The following SACS variants were observed in gnomAD, a reference collection of about 807,000 sequenced individuals.
SACS encodes sacsin molecular chaperone.
Under a neutral mutation model 348.0 loss-of-function variants are expected in SACS, and 197 were observed. The ratio of observed to expected loss-of-function variants is 0.57; its 90% CI spans 0.50 to 0.64. The LOEUF is 0.64. SACS is among the 30% of genes least tolerant of loss of function. The pLI, the probability that SACS is intolerant of heterozygous loss-of-function variation, is 0.00. For synonymous variants in SACS, 1,985 were observed against 1,910.6 expected, an observed-to-expected ratio of 1.04 and a Z score of -1.02; for missense variants, 4,999 against 5,360.8, an observed-to-expected ratio of 0.93 and a Z score of 2.11.
At chr13:23,400,699 C>G (rs1349181179) in intron 2 of SACS, among the ~76,000 whole-genome samples, 1 of 152,174 alleles carries the variant, frequency 6.6e-6, no homozygotes, top group South Asian at 2.1e-4. Context: ...TGATTACAGG[C>G]GTGAGCCACC....
chr13:23,333,840 G>T lies in SACS; in HGVS notation c.10036C>A (p.Pro3346Thr), dbSNP rs1883651233. Residue 3346 changes from proline (P) to threonine (T), a missense_variant, in exon 10 of 10, where the codon CCT becomes ACT. By Grantham distance (38) the Pro-to-Thr change is conservative. Coordinates refer to ENST00000382292, the MANE Select transcript of SACS (RefSeq NM_014363.6). ...KICSKDSAFVPLLSCHTANIE... is the reference protein window; with the variant it reads ...KICSKDSAFVTLLSCHTANIE... The stretch of plus-strand genomic sequence containing the variant: ...TTTGCTGTGTGACATGACAACAAAG[G>T]AACAAATGCACTGTCTTTGGAACAG... The T allele has an allele frequency of 1.2e-6, 2 of 1,613,868 alleles. No individual in the cohort carries two copies. The highest frequency in any genetic ancestry group is 2.2e-5 in the South Asian group (2 of 91,070).
At chr13:23,366,334 G>C (rs1376197930) in intron 5 of SACS, among the ~76,000 whole-genome samples, 1 of 152,186 alleles carries the variant, frequency 6.6e-6, no homozygotes, top group Non-Finnish European at 1.5e-5. Flanking sequence ...CCAAAGGGCT[G>C]GAGTGTGGTA....
In SACS at chr13:23,331,410, G is replaced by A. The variant is rs756745388; in HGVS notation, c.12466C>T (p.Pro4156Ser). ...SEPSKLELPM[P>S]GTPIPAEIHY... ...ATTTCAGCAGGAATTGGTGTGCCAG[G>A]CATTGGAAGTTCCAGTTTTGATGGC... Residue 4156 changes from proline to serine, a missense_variant, in exon 10 of 10, where the codon CCT becomes TCT. Pro to Ser is a moderately conservative substitution (Grantham distance 74). Coordinates refer to ENST00000382292, the MANE Select transcript of SACS (RefSeq NM_014363.6). The A allele has an allele frequency of 6.2e-7, 1 of 1,613,992 alleles. No individual in the cohort carries two copies. Among genetic ancestry groups the A allele is most frequent in the South Asian group, 1.1e-5 (1 of 91,084 alleles).
chr13:23,372,206 T>C (rs960737150), intron 3 of SACS, among the ~76,000 whole-genome samples: 1 of 152,204 alleles, frequency 6.6e-6, no homozygotes, highest in Admixed American at 6.5e-5. Flanking sequence ...AAAGTATTTA[T>C]AATCTGGGAC....
Position 23,334,333 on chromosome 13 carries a change from A to T in SACS, c.9543T>A (p.Ile3181=). The T allele has an allele frequency of 1.2e-6, 2 of 1,611,502 alleles. No individual in the cohort carries two copies. Residue 3181 remains isoleucine (I), a synonymous_variant, in exon 10 of 10, where the codon ATT becomes ATA. Coordinates refer to ENST00000382292, the MANE Select transcript of SACS (RefSeq NM_014363.6). The part of the protein sequence containing the change: ...PKFLTTYHEL[I]PSRKDLFMNT... ...TCATAAACAAGTCTTTGCGGGATGGAATCAATTCATGATATGTTGTTAGAA... is the reference window on the plus strand; with the variant it reads ...TCATAAACAAGTCTTTGCGGGATGGTATCAATTCATGATATGTTGTTAGAA...
Position 23,334,633 on chromosome 13 carries a change from G to A in SACS, c.9243C>T (p.His3081=), listed in dbSNP as rs1351266118. 1.9e-6 allele frequency: 3 copies of A among 1,613,396 alleles called. No individual in the cohort carries two copies. The highest frequency in any genetic ancestry group is 2.2e-5 in the East Asian group (1 of 44,878). ...YNCDETANLY[H]CLIDADIPVS... is the part of the protein sequence containing the mutation. ...CAGGAATATCTGCATCTATAAGACA[G>A]TGGTAAAGATTAGCAGTTTCATCAC... Residue 3081 remains histidine, a synonymous_variant, in exon 10 of 10, where the codon CAC becomes CAT. Transcript: ENST00000382292.
At chr13:23,409,413 A>G (rs1277513804) in intron 2 of SACS, among the ~76,000 whole-genome samples, 11 of 134,956 alleles carry the variant, frequency 8.2e-5, no homozygotes, top group Non-Finnish European at 3.1e-5. Flanking sequence ...GGCTGGTGCA[A>G]TGGCACGATC....
chr13:23,375,196 G>A lies in SACS; in HGVS notation c.94C>T (p.Arg32Cys). The part of the protein sequence containing the change: ...TVAALASWTV[R>C]DVKERIFAET... The stretch of plus-strand genomic sequence containing the variant: ...GCGAAGATACGTTCCTTCACATCGC[G>A]CACGGTCCAGGACGCCAGCGCCGCG... Residue 32 changes from arginine to cysteine, a missense_variant, in exon 3 of 10, where the codon CGC (arginine) becomes TGC (cysteine). This residue lies in a region of SACS where 3,156 missense variants were observed against 3,380.1 expected (regional missense o/e 0.93). Transcript: ENST00000382292. 3 of 1,505,550 alleles carry A rather than the reference G, an allele frequency of 2.0e-6. No individual in the cohort carries two copies. Among genetic ancestry groups the A allele is most frequent in the Middle Eastern group, 1.7e-4 (1 of 5,872 alleles). The allele number at this position is 1,505,550 out of a possible 1,614,324, so 93.3% of individuals were successfully genotyped here.
intron 2 of SACS, among the ~76,000 whole-genome samples, chr13:23,386,111 A>G (rs891989926): frequency 1.3e-5 from 2 of 152,288 alleles, no homozygotes; most frequent in Admixed American, 6.5e-5. Context: ...TGGAATGGTA[A>G]ATGAACTTGG....
chr13:23,380,942 T>C (rs575790413), intron 2 of SACS, among the ~76,000 whole-genome samples: 10 of 152,282 alleles, frequency 6.6e-5, no homozygotes, highest in South Asian at 4.1e-4. Flanking sequence ...ATTTAAAAAA[T>C]TCAATAGTTG....
Position 23,335,043 on chromosome 13 carries a change from G to C in SACS, c.8833C>G (p.Gln2945Glu), listed in dbSNP as rs1273445756. Residue 2945 changes from glutamine to glutamate, a missense_variant, in exon 10 of 10, where the codon CAG (glutamine) becomes GAG (glutamate). Transcript: ENST00000382292. This position sits in a 1 kb window ranked among gnomAD's most constrained non-coding sequence, Gnocchi z 4.7. ...PGSDPTLSVLQNTPIHVVKDT... is the reference protein window; with the variant it reads ...PGSDPTLSVLENTPIHVVKDT... Reference sequence around the variant, plus strand: ...TTTACAACATGAATAGGGGTGTTCTGTAACACTGATAATGTTGGATCAGAA... The same window carrying C: ...TTTACAACATGAATAGGGGTGTTCTCTAACACTGATAATGTTGGATCAGAA... 4 of 1,613,182 alleles carry C rather than the reference G, an allele frequency of 2.5e-6. No homozygotes were observed. The highest frequency in any genetic ancestry group is 1.1e-5 in the South Asian group (1 of 91,020).
In SACS at chr13:23,338,210, C is replaced by G; in HGVS notation, c.5666G>C (p.Cys1889Ser). Reference protein sequence around the residue: ...KTGLPVHINGCFAVTSNRKEI... With the variant: ...KTGLPVHINGSFAVTSNRKEI... ...TTTCCTATTTGATGTAACAGCAAAG[C>G]ACCCATTGATATGAACTGGCAAGCC... The change falls in exon 10 of 10, where the codon TGC becomes TCC. Residue 1889 changes from cysteine (C) to serine (S), a missense_variant. Around this residue, in one of 6 missense-constraint regions of SACS, gnomAD observed 3,156 missense variants for 3,380.1 expected, o/e 0.93. Coordinates refer to ENST00000382292, the MANE Select transcript of SACS (RefSeq NM_014363.6). The G allele has an allele frequency of 6.2e-7, 1 of 1,614,120 alleles. No homozygotes were observed. Among genetic ancestry groups the G allele is most frequent in the Non-Finnish European group, 8.5e-7 (1 of 1,180,008 alleles).
Position 23,334,459 on chromosome 13 carries a change from A to G in SACS, c.9417T>C (p.Cys3139=), listed in dbSNP as rs2137584002. ...TCTCATTTTCTTCTGCATCTTTAAAACAATAATCAACTAAAAGTTTTAAAC... is the reference window on the plus strand; with the variant it reads ...TCTCATTTTCTTCTGCATCTTTAAAGCAATAATCAACTAAAAGTTTTAAAC... The part of the protein sequence containing the change: ...FHSLKLLVDY[C]FKDAEENEIE... Residue 3139 remains cysteine, a synonymous_variant, in exon 10 of 10, where the codon TGT becomes TGC. Coordinates refer to ENST00000382292, the MANE Select transcript of SACS (RefSeq NM_014363.6). The G allele has an allele frequency of 1.9e-6, 3 of 1,612,602 alleles. No homozygotes were observed. The highest frequency in any genetic ancestry group is 2.5e-6 in the Non-Finnish European group (3 of 1,179,746).
intron 1 of SACS, among the ~76,000 whole-genome samples, chr13:23,416,039 G>C (rs7336181): frequency 0.29 from 44,669 of 151,842 alleles, 6,990 homozygotes; most frequent in East Asian, 0.46. Context: ...TAGCACTCTG[G>C]GGGGCTGAGG....
chr13:23,352,195 A>T (rs961728810), intron 9 of SACS, among the ~76,000 whole-genome samples: 3 of 152,344 alleles, frequency 2.0e-5, no homozygotes, highest in East Asian at 1.9e-4. Context: ...CTTAGAAAGG[A>T]TCTGCCACCA....
Position 23,408,357 on chromosome 13 carries a change from T to G in SACS, c.20+2863A>C, listed in dbSNP as rs138526647. Among the ~76,000 whole-genome samples the G allele has an allele frequency of 6.5e-3, 991 of 152,278 alleles. 14 individuals carry two copies. The highest frequency in any genetic ancestry group is 0.023 in the African/African-American group (960 of 41,562). On this transcript the variant is annotated intron_variant, in intron 2 of 9. Transcript: ENST00000382292. ...TAACATATTCTGAGGCTCCAACATC[T>G]TCCTGAAAGCAATGGAGAAGGAGCC... is the stretch of plus-strand genomic sequence containing the variant.
chr13:23,330,368 G>A lies in SACS; in HGVS notation c.13508C>T (p.Thr4503Ile), dbSNP rs1382571164. ...TTCCTCTATTTTCTGAGCAAGTGCA[G>A]TTGGTTTTACATCTTTATCAGACTT... is the stretch of plus-strand genomic sequence containing the variant. ...RGKSDKDVKP[T>I]ALAQKIEEYS... Residue 4503 changes from threonine to isoleucine, a missense_variant, in exon 10 of 10, where the codon ACT becomes ATT. By Grantham distance (89) the Thr-to-Ile change is moderately conservative (BLOSUM62 -1). Transcript: ENST00000382292. The A allele has an allele frequency of 6.2e-7, 1 of 1,614,186 alleles. No individual in the cohort carries two copies. Among genetic ancestry groups the A allele is most frequent in the Admixed American group, 1.7e-5 (1 of 60,024 alleles).
Position 23,339,863 on chromosome 13 carries a change from T to A in SACS, c.4013A>T (p.Lys1338Met), listed in dbSNP as rs1869036592. The A allele has an allele frequency of 2.5e-6, 4 of 1,613,638 alleles. No homozygotes were observed. In the South Asian group the frequency reaches 4.4e-5, roughly 18 times the overall value. The part of the protein sequence containing the change: ...TSDHISMVIQ[K>M]IYLKSDQDLS... ...ATCTTGGTCACTTTTGAGATATATC[T>A]TCTGAATAACCATGGAAATATGATC... Residue 1338 changes from lysine to methionine, a missense_variant, in exon 10 of 10, where the codon AAG becomes ATG. Around this residue, in one of 6 missense-constraint regions of SACS, gnomAD observed 3,156 missense variants for 3,380.1 expected, o/e 0.93. Transcript: ENST00000382292.
chr13:23,353,682 A>G, intron 9 of SACS, 103 bp downstream of exon 9: 1 of 679,790 alleles, frequency 1.5e-6, no homozygotes, highest in South Asian at 1.8e-5. Context: ...CTTGAGCCAT[A>G]AGAAATTGTT....
Sources: gnomAD v4.1 joint callset for allele counts (sites outside exome capture counted in the v4.1 genomes callset) on GRCh38, gnomAD v4.1.1 for gene constraint, gnomAD v4.1.1 regional missense constraint, Gnocchi (gnomAD v3.1) non-coding constraint, MANE v1.5 for transcripts, NCBI Gene and HGNC (gene_info 2026-07-23, HGNC 2026-07-21) for gene names.